Variants in KCNT2 observed in about 807,000 individuals in gnomAD.
The protein encoded by KCNT2 is potassium sodium-activated channel subfamily T member 2.
A neutral mutation model predicts 153.8 loss-of-function variants in KCNT2; 67 were observed. The observed-to-expected ratio is 0.44, with a 90% CI of 0.36 to 0.53. The LOEUF (loss-of-function observed/expected upper bound fraction) is 0.53. KCNT2 is among the 20% of genes least tolerant of loss of function. The pLI, the probability that KCNT2 is intolerant of heterozygous loss-of-function variation, is 0.00. For missense variants in KCNT2, 975 were observed against 1,354.8 expected, an observed-to-expected ratio of 0.72 and a Z score of 4.40; for synonymous variants, 500 against 458.8, an observed-to-expected ratio of 1.09 and a Z score of -1.15.
At chr1:196,395,678 A>G (rs1475603516) in intron 13 of KCNT2, among the ~76,000 whole-genome samples, 1 of 151,674 alleles carries the variant, frequency 6.6e-6, no homozygotes, top group Non-Finnish European at 1.5e-5. Context: ...CAACTACATC[A>G]CCATGAAATG....
chr1:196,320,366 C>A (rs1163773196), intron 19 of KCNT2, among the ~76,000 whole-genome samples: 1 of 151,668 alleles, frequency 6.6e-6, no homozygotes, highest in African/African-American at 2.4e-5. Flanking sequence ...AAAGAATATC[C>A]TGTTAACTTG....
chr1:196,492,339 AC>A lies in KCNT2; in HGVS notation c.97del (p.Val33TyrfsTer7). On this transcript the variant is annotated frameshift_variant and splice_region_variant, in exon 2 of 28. Transcript: ENST00000294725. LOFTEE classifies it high-confidence loss of function. Reference sequence around the variant, plus strand: ...TTCATTCATATAGAATTCAACTTGTACCCTGCAAACAGAAAATAAAAACATG... The same window carrying A: ...TTCATTCATATAGAATTCAACTTGTACCTGCAAACAGAAAATAAAAACATG... ...GDQGWQNDDRVQVEFYMNENT... is the reference protein window; with the variant it reads ...GDQGWQNDDRXQVEFYMNENT... 1 of 1,389,152 alleles carries A rather than the reference AC, an allele frequency of 7.2e-7. No individual in the cohort carries two copies. The highest frequency in any genetic ancestry group is 9.6e-7 in the Non-Finnish European group (1 of 1,043,230). The allele number at this position is 1,389,152 out of a possible 1,614,324, so 86.1% of individuals were successfully genotyped here.
At chr1:196,415,267 T>A (rs1166669746) in intron 12 of KCNT2, among the ~76,000 whole-genome samples, 1 of 151,818 alleles carries the variant, frequency 6.6e-6, no homozygotes, top group African/African-American at 2.4e-5. Flanking sequence ...CTGATTGAGT[T>A]TACATCAAAT....
At chr1:196,471,143 G>A (rs893062562) in intron 5 of KCNT2, among the ~76,000 whole-genome samples, 2 of 151,292 alleles carry the variant, frequency 1.3e-5, no homozygotes, top group Non-Finnish European at 1.5e-5. Flanking sequence ...TCCTAACCTC[G>A]TGATCCGCCC....
intron 1 of KCNT2, among the ~76,000 whole-genome samples, chr1:196,563,450 AG>A (rs1204007291): frequency 1.0e-5 from 1 of 98,258 alleles, no homozygotes; most frequent in Non-Finnish European, 2.0e-5. Context: ...AAAAAAAAAA[AG>A]AAAAAAGAAA....
At chr1:196,258,641 T>C in intron 25 of KCNT2, 147 bp from the exon 26 acceptor site, 2 of 714,640 alleles carry the variant, frequency 2.8e-6, no homozygotes, top group South Asian at 3.3e-5. Context: ...TTGATTCTAA[T>C]TTTCCATTAC....
At chr1:196,584,834 G>A (rs939167085) in intron 1 of KCNT2, among the ~76,000 whole-genome samples, 8 of 152,138 alleles carry the variant, frequency 5.3e-5, no homozygotes, top group African/African-American at 1.9e-4. Flanking sequence ...TATGATTCAT[G>A]ATTTATCACC....
chr1:196,491,071 C>G (rs138270945), intron 2 of KCNT2, among the ~76,000 whole-genome samples: 2 of 151,972 alleles, frequency 1.3e-5, no homozygotes, highest in Non-Finnish European at 2.9e-5. Context: ...AGAAATTATG[C>G]TGGTTTTATA....
At chr1:196,333,380 A>C (rs1430613976) in intron 17 of KCNT2, among the ~76,000 whole-genome samples, 1 of 152,140 alleles carries the variant, frequency 6.6e-6, no homozygotes, top group East Asian at 1.9e-4. Flanking sequence ...ATAATTAATG[A>C]ATAGTGTATG....
At chr1:196,287,826 T>C (rs1462086117) in intron 22 of KCNT2, among the ~76,000 whole-genome samples, 2 of 152,096 alleles carry the variant, frequency 1.3e-5, no homozygotes, top group African/African-American at 4.8e-5. Flanking sequence ...ATGTGTTGAA[T>C]ATGGGCCAGG....
chr1:196,410,419 G>C (rs779773935), intron 12 of KCNT2, among the ~76,000 whole-genome samples: 8 of 151,272 alleles, frequency 5.3e-5, no homozygotes, highest in Non-Finnish European at 8.9e-5. Flanking sequence ...GCCTGTTGTG[G>C]GGTGAGGGCA....
At chr1:196,383,758 C>T (rs1262889306) in intron 13 of KCNT2, among the ~76,000 whole-genome samples, 1 of 152,048 alleles carries the variant, frequency 6.6e-6, no homozygotes, top group Non-Finnish European at 1.5e-5. Context: ...TAAAATGTAA[C>T]CCCAGCACTT....
chr1:196,418,161 G>A (rs545165140), intron 12 of KCNT2, among the ~76,000 whole-genome samples: 43 of 151,756 alleles, frequency 2.8e-4, no homozygotes, highest in Non-Finnish European at 1.6e-4. Context: ...GAATCTGTCT[G>A]CTTGGGCTAC....
intron 1 of KCNT2, among the ~76,000 whole-genome samples, chr1:196,559,555 G>A (rs1659114105): frequency 6.6e-6 from 1 of 151,646 alleles, no homozygotes. Flanking sequence ...TTTTTGCAAA[G>A]GGTTGCACAA....
intron 14 of KCNT2, among the ~76,000 whole-genome samples, chr1:196,360,577 G>C (rs1338880445): frequency 6.6e-6 from 1 of 152,074 alleles, no homozygotes; most frequent in Non-Finnish European, 1.5e-5. Flanking sequence ...TCTTTGAGAT[G>C]TGATTAAATT....
In KCNT2 at chr1:196,310,956, C is replaced by A. The variant is rs141731712; in HGVS notation, c.2483+4936G>T. Among the ~76,000 whole-genome samples, 7 of 151,882 alleles carry A rather than the reference C, an allele frequency of 4.6e-5. No individual in the cohort carries two copies. The East Asian group carries it at 1.4e-3, about 30-fold the overall frequency. ...GTCTTCCTCTTGCTCTGCTCCAAGT[C>A]CTTGAATAGTCACTACCAGGATCTC... On this transcript the variant is annotated intron_variant, in intron 21 of 27. Coordinates refer to ENST00000294725, the MANE Select transcript of KCNT2 (RefSeq NM_198503.5).
intron 1 of KCNT2, 69 bp downstream of exon 1, chr1:196,608,146 C>T: frequency 2.8e-6 from 4 of 1,408,986 alleles, no homozygotes; most frequent in Non-Finnish European, 3.0e-6. Flanking sequence ...CCTTTCCCCA[C>T]TTCGGCCCTC....
At chr1:196,467,558 A>T in intron 7 of KCNT2, 145 bp downstream of exon 7, 1 of 437,006 alleles carries the variant, frequency 2.3e-6, no homozygotes, top group Non-Finnish European at 4.2e-6. Context: ...TAATTCCAAT[A>T]GTATGAGTTA....
intron 14 of KCNT2, among the ~76,000 whole-genome samples, chr1:196,369,787 T>C (rs1202200561): frequency 6.6e-5 from 10 of 151,946 alleles, no homozygotes; most frequent in Non-Finnish European, 1.0e-4. Flanking sequence ...AATAAACATA[T>C]GTGTGCATGT....
Sources: allele counts gnomAD v4.1 joint callset (sites outside exome capture counted in the v4.1 genomes callset), GRCh38; gene constraint gnomAD v4.1.1; transcripts MANE v1.5; gene names NCBI Gene and HGNC (gene_info 2026-07-23, HGNC 2026-07-21).